The following TXNRD2 variants were observed in gnomAD, a reference collection of about 807,000 sequenced individuals.
TXNRD2 encodes thioredoxin reductase 2.
TXNRD2 carries 67 observed loss-of-function variants against 70.8 expected under a neutral mutation model. The ratio of observed to expected loss-of-function variants is 0.95; its 90% CI spans 0.78 to 1.16. The LOEUF (loss-of-function observed/expected upper bound fraction) is 1.16, where lower values mean the gene tolerates loss of function less well. TXNRD2 is among the 50% of genes most tolerant of loss of function. The probability of loss-of-function intolerance (pLI) is 0.00; values close to 1 mark genes in which losing one functional copy is unlikely to be tolerated. For missense variants in TXNRD2, 644 were observed against 719.9 expected (o/e 0.89, Z 1.21); for synonymous variants, 301 against 295.8 (o/e 1.02, Z -0.18).
chr22:19,880,033 G>A (rs1391498526), intron 14 of TXNRD2, 146 bp downstream of exon 14: 22 of 844,672 alleles, frequency 2.6e-5, no homozygotes, highest in Admixed American at 1.2e-4. Context: ...TGCCCCCAAC[G>A]TGTCCCTTCC....
chr22:19,908,799 AAAG>A (rs1414498354), intron 8 of TXNRD2, among the ~76,000 whole-genome samples: 1 of 152,256 alleles, frequency 6.6e-6, no homozygotes, highest in Non-Finnish European at 1.5e-5. Context: ...TCAGTCTTAA[AAAG>A]AAGGAAATGC....
At chr22:19,879,416 C>G (rs1601381908) in intron 14 of TXNRD2, among the ~76,000 whole-genome samples, 1 of 152,202 alleles carries the variant, frequency 6.6e-6, no homozygotes, top group African/African-American at 2.4e-5. Context: ...TCCCTCCAGG[C>G]CACCCCGGAG....
chr22:19,939,227 A>G lies in TXNRD2; in HGVS notation c.103+2474T>C, dbSNP rs550083725. Reference sequence around the variant, plus strand: ...TGAGATCTGTACCGACTCCTCAGAAACTGGCATGCCAAATCAAAATGGGTC... The same window carrying G: ...TGAGATCTGTACCGACTCCTCAGAAGCTGGCATGCCAAATCAAAATGGGTC... On this transcript the variant is annotated intron_variant, in intron 1 of 17. Transcript: ENST00000400521. Among the ~76,000 whole-genome samples, 18 of 152,302 alleles carry G rather than the reference A, an allele frequency of 1.2e-4. No homozygotes were observed. The South Asian group carries it at 3.7e-3, about 32-fold the overall frequency.
At position 19,895,160 on chromosome 22, in the gene TXNRD2, A is replaced by G. The variant is rs549702955; in HGVS notation, c.949+247T>C. 2.5e-5 allele frequency: 40 copies of G among 1,598,430 alleles called. No homozygotes were observed. In the East Asian group the frequency reaches 8.5e-4, roughly 34 times the overall value. On this transcript the variant is annotated intron_variant, in intron 11 of 17. Transcript: ENST00000400521. Reference sequence around the variant, plus strand: ...AGTCTCTTCTCTGGTTTTTTCCAGCATGTCCCACGGTGGTGGGGAGACACG... The same window carrying G: ...AGTCTCTTCTCTGGTTTTTTCCAGCGTGTCCCACGGTGGTGGGGAGACACG...
chr22:19,889,568 C>G (rs960316981), intron 11 of TXNRD2, among the ~76,000 whole-genome samples: 1 of 152,124 alleles, frequency 6.6e-6, no homozygotes, highest in Non-Finnish European at 1.5e-5. Context: ...CCAGATCGCG[C>G]TCCTGCACTC....
intron 8 of TXNRD2, chr22:19,911,098 C>G: frequency 4.1e-6 from 2 of 483,688 alleles, no homozygotes; most frequent in South Asian, 4.1e-5. Context: ...AAAAAAAAAC[C>G]AAAACAGATT....
At chr22:19,912,817 C>T (rs1427869954) in intron 7 of TXNRD2, among the ~76,000 whole-genome samples, 1 of 152,210 alleles carries the variant, frequency 6.6e-6, no homozygotes, top group Non-Finnish European at 1.5e-5. Flanking sequence ...TTGTGCTCCT[C>T]GGGGCCGCTC....
Position 19,934,347 on chromosome 22 carries a change from C to A in TXNRD2, c.104-3249G>T, listed in dbSNP as rs1034454259. Among the ~76,000 whole-genome samples, 3 of 147,302 alleles carry A rather than the reference C, an allele frequency of 2.0e-5. No individual in the cohort carries two copies. In the East Asian group the frequency reaches 6.2e-4, roughly 31 times the overall value. ...AGTGAGCTATGATAGCACCACTGCACTCCAGCCTGGTTAACAGAGTGAGAC... is the reference window on the plus strand; with the variant it reads ...AGTGAGCTATGATAGCACCACTGCAATCCAGCCTGGTTAACAGAGTGAGAC... On this transcript the variant is annotated intron_variant, in intron 1 of 17. Transcript: ENST00000400521.
chr22:19,924,763 A>G (rs1278963977), intron 2 of TXNRD2, among the ~76,000 whole-genome samples: 1 of 152,214 alleles, frequency 6.6e-6, no homozygotes, highest in African/African-American at 2.4e-5. Context: ...TGAAAAGAGC[A>G]TCAGTAGGTT....
chr22:19,876,984 T>C (rs1220428287), intron 17 of TXNRD2, 56 bp downstream of exon 17: 1 of 1,312,844 alleles, frequency 7.6e-7, no homozygotes, highest in East Asian at 2.6e-5. Flanking sequence ...TGGCCAGGGC[T>C]CCTGCACCCC....
In TXNRD2 at chr22:19,877,126, C is replaced by G; in HGVS notation, c.1554G>C (p.Thr518=). Residue 518 remains threonine, a synonymous_variant, in exon 17 of 18, where the codon ACG becomes ACC. Coordinates refer to ENST00000400521, the MANE Select transcript of TXNRD2 (RefSeq NM_006440.5). ...RISKRSGLDP[T]VTGCUG is the part of the protein sequence containing the mutation. Reference sequence around the variant, plus strand: ...GCGCTTACCCTCAGCAGCCTGTCACCGTGGGGTCCAGGCCTGAGCGCTTGG... The same window carrying G: ...GCGCTTACCCTCAGCAGCCTGTCACGGTGGGGTCCAGGCCTGAGCGCTTGG... 6.2e-7 allele frequency: 1 copy of G among 1,601,346 alleles called. No individual in the cohort carries two copies. The highest frequency in any genetic ancestry group is 8.5e-7 in the Non-Finnish European group (1 of 1,170,298).
At chr22:19,899,302 A>G (rs1467250125) in intron 8 of TXNRD2, among the ~76,000 whole-genome samples, 2 of 152,200 alleles carry the variant, frequency 1.3e-5, no homozygotes, top group Non-Finnish European at 2.9e-5. Context: ...GTCAGTGACA[A>G]GTGGTACCTG....
chr22:19,939,687 G>T (rs776925273), intron 1 of TXNRD2, among the ~76,000 whole-genome samples: 134 of 152,250 alleles, frequency 8.8e-4, no homozygotes, highest in Non-Finnish European at 6.2e-4. Context: ...CCTCCTCTGT[G>T]CCTTGGACAT....
rs34777217 is a variant in TXNRD2, at chr22:19,924,203, C to T, written c.173-4604G>A. On this transcript the variant is annotated intron_variant, in intron 2 of 17. Coordinates refer to ENST00000400521, the MANE Select transcript of TXNRD2 (RefSeq NM_006440.5). Reference sequence around the variant, plus strand: ...TGGATTAGTGTATCCCCAGACCCTCCGAAGGGGAGGACAGTGCCTTATCTC... The same window carrying T: ...TGGATTAGTGTATCCCCAGACCCTCTGAAGGGGAGGACAGTGCCTTATCTC... Among the ~76,000 whole-genome samples the T allele has an allele frequency of 1.7e-3, 265 of 152,144 alleles. 2 individuals carry two copies. Among genetic ancestry groups the T allele is most frequent in the African/African-American group, 5.5e-3 (227 of 41,500 alleles).
intron 4 of TXNRD2, among the ~76,000 whole-genome samples, chr22:19,918,519 G>C (rs1212573214): frequency 1.3e-5 from 2 of 152,138 alleles, no homozygotes; most frequent in African/African-American, 4.8e-5. Flanking sequence ...TGTGGGTGTG[G>C]CTGGGCCACG....
chr22:19,932,343 T>G (rs939236745), intron 1 of TXNRD2: 1 of 1,612,372 alleles, frequency 6.2e-7, no homozygotes, highest in African/African-American at 1.3e-5. Context: ...GGGCTGGTTG[T>G]GGTGTCGCCT....
intron 4 of TXNRD2, among the ~76,000 whole-genome samples, chr22:19,918,623 A>G (rs1940744671): frequency 6.6e-6 from 1 of 152,110 alleles, no homozygotes; most frequent in Non-Finnish European, 1.5e-5. Flanking sequence ...TGTGCTGTGC[A>G]TGGCTGTAGC....
intron 9 of TXNRD2, among the ~76,000 whole-genome samples, chr22:19,898,655 C>T (rs971187383): frequency 1.3e-5 from 2 of 152,130 alleles, no homozygotes; most frequent in East Asian, 3.9e-4. Context: ...GCTGGGACTA[C>T]AGGCATGAGC....
At chr22:19,941,135 C>T (rs1320393545) in intron 1 of TXNRD2, among the ~76,000 whole-genome samples, 5 of 152,102 alleles carry the variant, frequency 3.3e-5, no homozygotes, top group East Asian at 1.9e-4. Context: ...GATATGGTGG[C>T]GCTCTGGTCG....
Sources: allele counts gnomAD v4.1 joint callset (sites outside exome capture counted in the v4.1 genomes callset), GRCh38; gene constraint gnomAD v4.1.1; transcripts MANE v1.5; gene names NCBI Gene and HGNC (gene_info 2026-07-23, HGNC 2026-07-21).